The following DYNLL1 variants were observed in gnomAD, a reference collection of about 807,000 sequenced individuals.
The protein encoded by DYNLL1 is dynein light chain 1, cytoplasmic.
DYNLL1 carries 3 observed loss-of-function variants against 10.1 expected under a neutral mutation model. The ratio of observed to expected loss-of-function variants is 0.30; its 90% CI spans 0.14 to 0.77. The LOEUF (loss-of-function observed/expected upper bound fraction) is 0.77, where lower values mean the gene tolerates loss of function less well. DYNLL1 is among the 30% of genes least tolerant of loss of function. The pLI, the probability that DYNLL1 is intolerant of heterozygous loss-of-function variation, is 0.66. For synonymous variants in DYNLL1, 46 were observed against 41.2 expected (o/e 1.12, Z -0.45); for missense variants, 47 against 111.7 (o/e 0.42, Z 2.61).
At chr12:120,474,655 C>G (rs1878717464) in intron 1 of DYNLL1, among the ~76,000 whole-genome samples, 1 of 152,194 alleles carries the variant, frequency 6.6e-6, no homozygotes, top group Non-Finnish European at 1.5e-5. Flanking sequence ...TGGTTTTCTC[C>G]TTTTCTCTGT....
intron 2 of DYNLL1, chr12:120,497,569 T>C (rs1435798743): frequency 1.3e-5 from 2 of 152,504 alleles, no homozygotes; most frequent in East Asian, 3.8e-4. Flanking sequence ...TCCGCAATCA[T>C]TTGGTATACA....
intron 1 of DYNLL1, among the ~76,000 whole-genome samples, chr12:120,477,075 A>G (rs1401296067): frequency 6.6e-6 from 1 of 151,172 alleles, no homozygotes; most frequent in Non-Finnish European, 1.5e-5. Context: ...GATTACAGGC[A>G]CCTGCCACCA....
chr12:120,494,894 T>G (rs1361245447), upstream of DYNLL1, among the ~76,000 whole-genome samples: 3 of 152,250 alleles, frequency 2.0e-5, no homozygotes, highest in East Asian at 5.8e-4. Flanking sequence ...ATTTCAGAGC[T>G]GGTTGTTCAA....
intron 1 of DYNLL1, among the ~76,000 whole-genome samples, chr12:120,487,127 A>T (rs1879013430): frequency 6.6e-6 from 1 of 151,392 alleles, no homozygotes; most frequent in African/African-American, 2.4e-5. Flanking sequence ...GGCGCCCGCC[A>T]CCACACCCGG....
At chr12:120,472,431 G>T (rs558269273) in intron 1 of DYNLL1, among the ~76,000 whole-genome samples, 1 of 152,276 alleles carries the variant, frequency 6.6e-6, no homozygotes, top group South Asian at 2.1e-4. Flanking sequence ...GGCCAAATAT[G>T]ATCTCGAGTC....
At chr12:120,476,326 T>G (rs1565920099) in intron 1 of DYNLL1, among the ~76,000 whole-genome samples, 1 of 150,328 alleles carries the variant, frequency 6.7e-6, no homozygotes, top group African/African-American at 2.4e-5. Flanking sequence ...TTTTTTAAGT[T>G]AAAAAAAAAT....
At chr12:120,482,666 T>G (rs913662657) in intron 1 of DYNLL1, among the ~76,000 whole-genome samples, 2 of 151,882 alleles carry the variant, frequency 1.3e-5, no homozygotes, top group African/African-American at 4.8e-5. Context: ...GGTACTAGAT[T>G]AGCCAAAACA....
chr12:120,486,397 C>T (rs534056758), intron 1 of DYNLL1, among the ~76,000 whole-genome samples: 2 of 152,262 alleles, frequency 1.3e-5, no homozygotes, highest in South Asian at 2.1e-4. Context: ...TCTGCTCTTA[C>T]CGAGAGAGAA....
upstream of DYNLL1, chr12:120,495,225 G>C (rs1184355257): frequency 6.6e-6 from 1 of 151,832 alleles, no homozygotes; most frequent in Non-Finnish European, 1.5e-5. Context: ...CCGCTTTTTC[G>C]TCCATTAGAA....
upstream of DYNLL1, among the ~76,000 whole-genome samples, chr12:120,494,310 G>A (rs3759392): frequency 6.7e-6 from 1 of 148,378 alleles, no homozygotes; most frequent in African/African-American, 2.5e-5. Flanking sequence ...TTTTTGAGAC[G>A]GAGTTGCCCA....
At chr12:120,475,363 C>A (rs1040902733) in intron 1 of DYNLL1, among the ~76,000 whole-genome samples, 10 of 152,118 alleles carry the variant, frequency 6.6e-5, no homozygotes, top group African/African-American at 2.4e-4. Flanking sequence ...CTTTTTATAT[C>A]AGGGCTTCCT....
intron 1 of DYNLL1, among the ~76,000 whole-genome samples, chr12:120,470,838 A>G (rs1416632357): frequency 6.6e-6 from 1 of 152,150 alleles, no homozygotes; most frequent in Non-Finnish European, 1.5e-5. Flanking sequence ...TGAGGTCAGT[A>G]GTTCGAGACT....
intron 1 of DYNLL1, among the ~76,000 whole-genome samples, chr12:120,471,903 G>A (rs1202482931): frequency 1.3e-5 from 2 of 152,090 alleles, no homozygotes; most frequent in African/African-American, 2.4e-5. Flanking sequence ...GAGCCACCGC[G>A]CCCAGCTGCT....
At chr12:120,473,704 A>G (rs1002815663) in intron 1 of DYNLL1, among the ~76,000 whole-genome samples, 2 of 151,378 alleles carry the variant, frequency 1.3e-5, no homozygotes, top group Non-Finnish European at 2.9e-5. Flanking sequence ...AAAAAAAAAA[A>G]AAAAAAAAAT....
At chr12:120,497,394 G>A (rs551630988) in intron 2 of DYNLL1, 1 of 152,666 alleles carries the variant, frequency 6.6e-6, no homozygotes, top group Non-Finnish European at 1.5e-5. Flanking sequence ...TGCTAACCTA[G>A]TGGACAGGGT....
chr12:120,479,270 T>C (rs1484938785), intron 1 of DYNLL1, among the ~76,000 whole-genome samples: 1 of 145,372 alleles, frequency 6.9e-6, no homozygotes, highest in East Asian at 2.1e-4. Context: ...GAGACCAACA[T>C]GGAGAAACCC....
chr12:120,479,477 T>TA (rs1164969530), intron 1 of DYNLL1, among the ~76,000 whole-genome samples: 8 of 114,628 alleles, frequency 7.0e-5, no homozygotes, highest in African/African-American at 2.2e-4. Context: ...AAAATAATAA[T>TA]AATAATAATA....
chr12:120,481,667 G>C (rs1256503427), intron 1 of DYNLL1, among the ~76,000 whole-genome samples: 1 of 152,138 alleles, frequency 6.6e-6, no homozygotes. Flanking sequence ...ACATCAATGC[G>C]TTCATCATTC....
At chr12:120,480,286 C>T (rs1008777994) in intron 1 of DYNLL1, among the ~76,000 whole-genome samples, 1 of 152,170 alleles carries the variant, frequency 6.6e-6, no homozygotes, top group South Asian at 2.1e-4. Context: ...ACTATGCAAA[C>T]ATTAAAAATA....
Sources: allele counts gnomAD v4.1 joint callset (sites outside exome capture counted in the v4.1 genomes callset), GRCh38; gene constraint gnomAD v4.1.1; transcripts MANE v1.5; gene names NCBI Gene and HGNC (gene_info 2026-07-23, HGNC 2026-07-21).